Variants in ESR1 observed in about 807,000 individuals in gnomAD.
ESR1 encodes the protein estrogen receptor.
Under a neutral mutation model 52.7 loss-of-function variants are expected in ESR1, and 12 were observed. The observed-to-expected ratio is 0.23, with a 90% CI of 0.15 to 0.37. ESR1 has a LOEUF of 0.37. Ranked by LOEUF, ESR1 falls within the 10% of genes least tolerant of loss-of-function variation. The pLI is 1.00. For synonymous variants in ESR1, 305 were observed against 316.8 expected (o/e 0.96, Z 0.39); for missense variants, 584 against 779.7 (o/e 0.75, Z 2.99).
At chr6:151,737,272 G>C (rs537716571) in intron 2 of ESR1, among the ~76,000 whole-genome samples, 1 of 152,132 alleles carries the variant, frequency 6.6e-6, no homozygotes, top group African/African-American at 2.4e-5. Context: ...ATTTCTTTAC[G>C]ATAGAGTCCT....
intron 5 of ESR1, among the ~76,000 whole-genome samples, chr6:152,057,728 C>CACAT (rs59188208): frequency 2.7e-5 from 4 of 149,322 alleles, no homozygotes; most frequent in African/African-American, 1.0e-4. Flanking sequence ...CACACACACA[C>CACAT]GTGAGAACTG....
At chr6:151,698,698 C>T (rs753154429) in intron 1 of ESR1, among the ~76,000 whole-genome samples, 154 of 152,114 alleles carry the variant, frequency 1.0e-3, no homozygotes, top group Admixed American at 3.4e-3. Context: ...GGGGTAGAGT[C>T]GGGAGGGAAA....
At position 152,094,369 on chromosome 6, in the gene ESR1, C is replaced by T. The variant is rs2152495620; in HGVS notation, c.1370-16C>T. The T allele has an allele frequency of 6.2e-7, 1 of 1,612,998 alleles. No individual in the cohort carries two copies. The highest frequency in any genetic ancestry group is 8.5e-7 in the Non-Finnish European group (1 of 1,178,942). On this transcript the variant is annotated splice_polypyrimidine_tract_variant and intron_variant, in intron 6 of 7. Coordinates refer to ENST00000206249, the MANE Select transcript of ESR1 (RefSeq NM_000125.4). The surrounding 1 kb of genome is among the most constrained non-coding windows in gnomAD (Gnocchi z 4.6). Reference sequence around the variant, plus strand: ...TCTTTGAGCTTCTCTCTCTCACTCTCTCTCTGCGCATTCAGGAGTGTACAC... The same window carrying T: ...TCTTTGAGCTTCTCTCTCTCACTCTTTCTCTGCGCATTCAGGAGTGTACAC...
rs2152510737 is a variant in ESR1 at position 152,102,063 on chromosome 6, A to T, written c.*3097A>T. The T allele has an allele frequency of 4.7e-6, 1 of 214,426 alleles. No individual in the cohort carries two copies. The highest frequency in any genetic ancestry group is 2.3e-5 in the African/African-American group (1 of 44,400). 13.3% of individuals were successfully genotyped at this position (214,426 alleles called of 1,614,324 possible). ...AGAGGCTAGGTCATCCAAAGAGAAG[A>T]CCCTATCAATGTAGGTTGCAAAATC... On this transcript the variant is annotated 3_prime_UTR_variant, in exon 8 of 8. Coordinates refer to ENST00000206249, the MANE Select transcript of ESR1 (RefSeq NM_000125.4).
intron 1 of ESR1, among the ~76,000 whole-genome samples, chr6:151,840,859 C>T (rs1306123931): frequency 6.6e-6 from 1 of 152,210 alleles, no homozygotes; most frequent in Non-Finnish European, 1.5e-5. Flanking sequence ...ACTTTGAACA[C>T]TCTCTCCATT....
intron 2 of ESR1, among the ~76,000 whole-genome samples, chr6:151,866,391 G>A (rs79956938): frequency 0.073 from 11,076 of 151,784 alleles, 875 homozygotes; most frequent in East Asian, 0.23. Context: ...GGTTAGTTAC[G>A]TAGGTATACA....
chr6:152,105,367 CT>C (rs1158286810), downstream of ESR1, among the ~76,000 whole-genome samples: 1 of 151,954 alleles, frequency 6.6e-6, no homozygotes, highest in African/African-American at 2.4e-5. Context: ...AACCTTTAAC[CT>C]TTTCCCCCCA....
At chr6:151,705,752 A>T (rs1780140811) in intron 2 of ESR1, among the ~76,000 whole-genome samples, 1 of 152,112 alleles carries the variant, frequency 6.6e-6, no homozygotes, top group South Asian at 2.1e-4. Context: ...AATATATTCC[A>T]GTATTGTTTA....
At chr6:151,806,530 G>GTATGTATGTATATATA (rs1430574846), upstream of ESR1, among the ~76,000 whole-genome samples, 1 of 96,468 alleles carries the variant, frequency 1.0e-5, no homozygotes, top group African/African-American at 4.0e-5. Context: ...TCCTTAATAT[G>GTATGTATGTATATATA]TATATATATA....
chr6:152,111,655 A>G (rs1034983176), intron 6 of ESR1, among the ~76,000 whole-genome samples: 1 of 152,182 alleles, frequency 6.6e-6, no homozygotes, highest in Non-Finnish European at 1.5e-5. Context: ...CAGAAAGAAC[A>G]TGTTTCAATA....
intron 6 of ESR1, among the ~76,000 whole-genome samples, chr6:152,083,553 T>C (rs1377493548): frequency 6.6e-6 from 1 of 152,202 alleles, no homozygotes; most frequent in Non-Finnish European, 1.5e-5. Context: ...GGGCAAAGAC[T>C]TTATGACTAA....
chr6:152,111,797 G>A (rs539886924), intron 6 of ESR1, among the ~76,000 whole-genome samples: 92 of 152,224 alleles, frequency 6.0e-4, no homozygotes, highest in Non-Finnish European at 9.3e-4. Flanking sequence ...GACGCCAGGC[G>A]CAGACCAGTT....
chr6:151,953,200 A>G (rs565970324), intron 4 of ESR1, among the ~76,000 whole-genome samples: 2 of 152,292 alleles, frequency 1.3e-5, no homozygotes, highest in Admixed American at 1.3e-4. Flanking sequence ...CCTGGAAGCT[A>G]TTTATCCCCA....
At chr6:152,122,537 C>T in intron 6 of ESR1, 1 of 1,614,178 alleles carries the variant, frequency 6.2e-7, no homozygotes, top group Non-Finnish European at 8.5e-7. Context: ...GACATTGGTA[C>T]AAGGCAGGCA....
chr6:151,787,231 T>C (rs1361130982), intron 2 of ESR1, among the ~76,000 whole-genome samples: 1 of 152,238 alleles, frequency 6.6e-6, no homozygotes, highest in Non-Finnish European at 1.5e-5. Context: ...TGCCATGTTG[T>C]TTTGGTTATT....
chr6:151,765,541 A>G (rs1784982916), intron 2 of ESR1, among the ~76,000 whole-genome samples: 1 of 151,976 alleles, frequency 6.6e-6, no homozygotes, highest in Non-Finnish European at 1.5e-5. Context: ...TGCTATTGCT[A>G]TTTTTTTTCC....
intron 1 of ESR1, among the ~76,000 whole-genome samples, chr6:151,828,533 G>A (rs1167726641): frequency 2.0e-5 from 3 of 152,210 alleles, no homozygotes; most frequent in African/African-American, 7.2e-5. Context: ...ATTTGGGAAT[G>A]TCATGTAATT....
At chr6:151,951,032 G>A (rs1407847432) in intron 4 of ESR1, among the ~76,000 whole-genome samples, 1 of 151,836 alleles carries the variant, frequency 6.6e-6, no homozygotes, top group Non-Finnish European at 1.5e-5. Flanking sequence ...CACTGAACAG[G>A]CTTAGAAGTT....
Position 151,930,145 on chromosome 6 carries a change from G to A in ESR1, c.761-14028G>A, listed in dbSNP as rs1021658381. ...ATTACAGGCATGTGCCACCATGCCC[G>A]GCTAATTTTGTATTTTTAGTAGAGA... is the stretch of plus-strand genomic sequence containing the variant. On this transcript the variant is annotated intron_variant, in intron 3 of 7. Coordinates refer to ENST00000206249, the MANE Select transcript of ESR1 (RefSeq NM_000125.4). 1.4e-4 allele frequency among the ~76,000 whole-genome samples: 13 copies of A among 95,386 alleles called. No homozygotes were observed. The South Asian group carries it at 2.6e-3, about 19-fold the overall frequency. The allele number at this position is 95,386 out of a possible 152,430, so 62.6% of individuals were successfully genotyped here.
Sources: allele counts gnomAD v4.1 joint callset (sites outside exome capture counted in the v4.1 genomes callset), GRCh38; gene constraint gnomAD v4.1.1; non-coding constraint Gnocchi (gnomAD v3.1); transcripts MANE v1.5; gene names NCBI Gene and HGNC (gene_info 2026-07-23, HGNC 2026-07-21).